The following MAPK10 variants were observed in gnomAD, a reference collection of about 807,000 sequenced individuals.
The protein encoded by MAPK10 is mitogen-activated protein kinase 10, also known as JNK3 alpha protein kinase.
In MAPK10, 25 loss-of-function variants were observed where a neutral mutation model predicts 59.3. That is an observed-to-expected ratio of 0.42 (90% CI 0.31 to 0.59). The LOEUF (loss-of-function observed/expected upper bound fraction) is 0.59. Ranked by LOEUF, MAPK10 falls within the 20% of genes least tolerant of loss-of-function variation. The pLI is 0.15. For missense variants in MAPK10, 351 were observed against 568.9 expected (o/e 0.62, Z 3.90); for synonymous variants, 190 against 200.5 (o/e 0.95, Z 0.44).
chr4:86,501,114 G>GAA (rs11341561), intron 1 of MAPK10, among the ~76,000 whole-genome samples: 2 of 87,860 alleles, frequency 2.3e-5, no homozygotes, highest in Admixed American at 1.2e-4. Flanking sequence ...TCTACGATCT[G>GAA]AAAAAAAAAA....
intron 2 of MAPK10, among the ~76,000 whole-genome samples, chr4:86,245,957 A>T (rs1442805673): frequency 2.0e-5 from 3 of 152,224 alleles, no homozygotes; most frequent in Non-Finnish European, 4.4e-5. Flanking sequence ...TCAGGTTGGC[A>T]TAATAAACAC....
intron 1 of MAPK10, among the ~76,000 whole-genome samples, chr4:86,548,981 G>C (rs138428728): frequency 3.4e-3 from 522 of 152,164 alleles, no homozygotes; most frequent in African/African-American, 0.012. Context: ...TCCCATTCTA[G>C]AGCAAAATGA....
chr4:86,248,420 T>C (rs954331125), intron 2 of MAPK10, among the ~76,000 whole-genome samples: 13 of 152,176 alleles, frequency 8.5e-5, no homozygotes, highest in Admixed American at 2.0e-4. Context: ...TTTTTTAAAA[T>C]CTCAATTCAT....
intron 9 of MAPK10, among the ~76,000 whole-genome samples, chr4:86,076,688 A>T (rs1358806881): frequency 6.6e-6 from 1 of 152,198 alleles, no homozygotes; most frequent in Non-Finnish European, 1.5e-5. Flanking sequence ...TCAATATTTT[A>T]TATAGAAAAT....
At chr4:86,141,428 T>C (rs2063623165) in intron 4 of MAPK10, among the ~76,000 whole-genome samples, 1 of 152,190 alleles carries the variant, frequency 6.6e-6, no homozygotes, top group African/African-American at 2.4e-5. Context: ...TGGGGGAGTA[T>C]TCTGTCTTCA....
intron 4 of MAPK10, chr4:86,124,049 T>C (rs1325038937): frequency 6.6e-6 from 1 of 152,014 alleles, no homozygotes; most frequent in Admixed American, 6.6e-5. Flanking sequence ...CTGACAATAG[T>C]GTAAAAAGTA....
At chr4:86,147,110 A>G (rs1466009994) in intron 4 of MAPK10, among the ~76,000 whole-genome samples, 6 of 151,134 alleles carry the variant, frequency 4.0e-5, no homozygotes, top group Non-Finnish European at 8.8e-5. Context: ...TTTTTGAGAC[A>G]GTGTCTCGCT....
At chr4:86,200,117 T>C (rs1323031102) in intron 2 of MAPK10, among the ~76,000 whole-genome samples, 1 of 152,044 alleles carries the variant, frequency 6.6e-6, no homozygotes, top group Non-Finnish European at 1.5e-5. Flanking sequence ...GTCCAGGGAT[T>C]TTATGTATAA....
At chr4:86,307,122 G>A (rs1223443551) in intron 2 of MAPK10, among the ~76,000 whole-genome samples, 1 of 152,120 alleles carries the variant, frequency 6.6e-6, no homozygotes, top group Non-Finnish European at 1.5e-5. Context: ...ACTCACAGTG[G>A]CATAAATTGA....
intron 1 of MAPK10, among the ~76,000 whole-genome samples, chr4:86,479,762 T>A (rs2149070185): frequency 6.6e-6 from 1 of 152,224 alleles, no homozygotes; most frequent in East Asian, 1.9e-4. Flanking sequence ...TAATACCTGT[T>A]TTTCTCCTTG....
intron 2 of MAPK10, among the ~76,000 whole-genome samples, chr4:86,291,685 T>A (rs1648093256): frequency 1.3e-5 from 2 of 152,212 alleles, no homozygotes; most frequent in Non-Finnish European, 2.9e-5. Flanking sequence ...TTCTAAGCAC[T>A]GTCATTCTTC....
At chr4:86,478,905 T>C (rs1753345132) in intron 1 of MAPK10, among the ~76,000 whole-genome samples, 1 of 152,168 alleles carries the variant, frequency 6.6e-6, no homozygotes, top group Non-Finnish European at 1.5e-5. Context: ...CTCAAAGAAA[T>C]AACTTCTCAG....
intron 3 of MAPK10, chr4:86,192,550 C>T (rs928491501): frequency 9.2e-5 from 14 of 151,626 alleles, no homozygotes; most frequent in South Asian, 2.1e-4. Context: ...TCCTTTCTTC[C>T]GCTTGATGGA....
chr4:86,222,202 C>A (rs1472709722), intron 2 of MAPK10, among the ~76,000 whole-genome samples: 1 of 152,134 alleles, frequency 6.6e-6, no homozygotes, highest in Non-Finnish European at 1.5e-5. Context: ...TTATTAATTA[C>A]CCAGTCTCAG....
chr4:86,110,140 G>A (rs2057240132), intron 4 of MAPK10, among the ~76,000 whole-genome samples: 1 of 152,038 alleles, frequency 6.6e-6, no homozygotes. Context: ...TTGCCAGATG[G>A]ATAGATTACA....
intron 2 of MAPK10, among the ~76,000 whole-genome samples, chr4:86,346,487 A>G (rs2148951483): frequency 6.6e-6 from 1 of 152,306 alleles, no homozygotes; most frequent in Non-Finnish European, 1.5e-5. Flanking sequence ...AGGCCTAACT[A>G]CATTTTCAAA....
chr4:86,382,274 A>G (rs781427843), intron 1 of MAPK10, among the ~76,000 whole-genome samples: 6 of 151,996 alleles, frequency 3.9e-5, no homozygotes, highest in Non-Finnish European at 5.9e-5. Context: ...TCGGAGAGGC[A>G]TAACTCCTTA....
intron 11 of MAPK10, among the ~76,000 whole-genome samples, chr4:86,036,450 T>G (rs2148929180): frequency 6.6e-6 from 1 of 152,148 alleles, no homozygotes; most frequent in East Asian, 1.9e-4. Context: ...AACACTGTTC[T>G]CTATCTAGTT....
At chr4:86,231,807 CT>C (rs2091591427) in intron 2 of MAPK10, among the ~76,000 whole-genome samples, 2 of 152,002 alleles carry the variant, frequency 1.3e-5, no homozygotes, top group Non-Finnish European at 2.9e-5. Flanking sequence ...TGCACAGGGC[CT>C]TATGTAAAAT....
Sources: allele counts gnomAD v4.1 joint callset (sites outside exome capture counted in the v4.1 genomes callset), GRCh38; gene constraint gnomAD v4.1.1; transcripts MANE v1.5; gene names NCBI Gene and HGNC (gene_info 2026-07-23, HGNC 2026-07-21).